TRDN: variants seen among roughly 807,000 people sequenced by gnomAD.
The protein encoded by TRDN is triadin.
TRDN carries 161 observed loss-of-function variants against 149.7 expected under a neutral mutation model. That is an observed-to-expected ratio of 1.08 (90% CI 0.95 to 1.23). The LOEUF (loss-of-function observed/expected upper bound fraction) is 1.23, where lower values mean the gene tolerates loss of function less well. Among genes scored for constraint, TRDN ranks in the 50% most tolerant of loss-of-function variants. The pLI is 0.00. For synonymous variants in TRDN, 294 were observed against 250.5 expected, an observed-to-expected ratio of 1.17 and a Z score of -1.64; for missense variants, 896 against 823.5, an observed-to-expected ratio of 1.09 and a Z score of -1.08.
At chr6:123,309,725 G>A (rs1778743061) in intron 24 of TRDN, among the ~76,000 whole-genome samples, 1 of 150,914 alleles carries the variant, frequency 6.6e-6, no homozygotes, top group Admixed American at 6.6e-5. Context: ...GCAACAATTT[G>A]AAAAAACACA....
intron 10 of TRDN, among the ~76,000 whole-genome samples, chr6:123,446,814 C>T (rs1462683260): frequency 1.3e-5 from 2 of 152,022 alleles, no homozygotes; most frequent in African/African-American, 4.8e-5. Context: ...AAAACTTTGG[C>T]TGTTGCTAGG....
At chr6:123,396,727 G>C (rs1772747937) in intron 12 of TRDN, among the ~76,000 whole-genome samples, 2 of 152,134 alleles carry the variant, frequency 1.3e-5, no homozygotes, top group Admixed American at 6.5e-5. Context: ...GGAACAACCT[G>C]ATTTACAAAA....
At chr6:123,468,773 G>A (rs1247466820) in intron 9 of TRDN, 2 of 152,082 alleles carry the variant, frequency 1.3e-5, no homozygotes, top group Non-Finnish European at 2.9e-5. Flanking sequence ...AAATGTTAAG[G>A]CTGTTTTTTT....
chr6:123,439,044 G>A (rs1201721996), intron 10 of TRDN, 41 bp from the exon 11 acceptor site: 1 of 1,476,920 alleles, frequency 6.8e-7, no homozygotes, highest in Non-Finnish European at 9.1e-7. Context: ...GGGAAATTTA[G>A]TATGAAAGCA....
intron 10 of TRDN, among the ~76,000 whole-genome samples, chr6:123,456,617 T>G (rs13210103): frequency 6.6e-6 from 1 of 151,860 alleles, no homozygotes; most frequent in Admixed American, 6.6e-5. Context: ...TACAGGCATA[T>G]GCCTCCATGC....
intron 29 of TRDN, among the ~76,000 whole-genome samples, chr6:123,272,687 G>C (rs1052662468): frequency 6.6e-6 from 1 of 151,786 alleles, no homozygotes; most frequent in Non-Finnish European, 1.5e-5. Context: ...AGAAAGTATA[G>C]AGCCCATTCA....
intron 10 of TRDN, among the ~76,000 whole-genome samples, chr6:123,450,464 A>G (rs935064594): frequency 6.6e-6 from 1 of 152,160 alleles, no homozygotes; most frequent in African/African-American, 2.4e-5. Flanking sequence ...AAAACAGACA[A>G]GAAAAACCTT....
At chr6:123,565,051 A>T (rs2114514439) in intron 2 of TRDN, among the ~76,000 whole-genome samples, 1 of 152,336 alleles carries the variant, frequency 6.6e-6, no homozygotes, top group Non-Finnish European at 1.5e-5. Flanking sequence ...TCATTTCTTT[A>T]TAAATCCTAT....
intron 9 of TRDN, among the ~76,000 whole-genome samples, chr6:123,480,560 T>C (rs1777705442): frequency 6.6e-6 from 1 of 152,008 alleles, no homozygotes; most frequent in Non-Finnish European, 1.5e-5. Context: ...ATAGTTTAGG[T>C]TTTATATTCA....
At chr6:123,266,134 A>ATATC (rs1371488009) in intron 32 of TRDN, among the ~76,000 whole-genome samples, 1 of 113,758 alleles carries the variant, frequency 8.8e-6, no homozygotes, top group Non-Finnish European at 1.7e-5. Context: ...TATATATTAT[A>ATATC]ATATGTATTA....
intron 9 of TRDN, among the ~76,000 whole-genome samples, chr6:123,494,552 TA>T (rs1778352479): frequency 1.3e-5 from 2 of 152,194 alleles, no homozygotes; most frequent in Non-Finnish European, 2.9e-5. Context: ...TTAAAACTAA[TA>T]GAATATGAAG....
intron 1 of TRDN, among the ~76,000 whole-genome samples, chr6:123,636,228 A>G (rs1187075368): frequency 6.6e-6 from 1 of 151,946 alleles, no homozygotes; most frequent in Non-Finnish European, 1.5e-5. Flanking sequence ...TATATAAATC[A>G]TATATATGTA....
At chr6:123,440,332 T>C (rs1267915000) in intron 10 of TRDN, among the ~76,000 whole-genome samples, 2 of 152,194 alleles carry the variant, frequency 1.3e-5, no homozygotes, top group Non-Finnish European at 2.9e-5. Context: ...CAAATTTTGA[T>C]AGTTTCAGAG....
intron 1 of TRDN, among the ~76,000 whole-genome samples, chr6:123,611,808 C>G (rs554863956): frequency 2.6e-5 from 4 of 152,262 alleles, no homozygotes; most frequent in Admixed American, 1.3e-4. Flanking sequence ...GGCATTCCAT[C>G]TAATTAGTTT....
At chr6:123,622,356 C>G (rs1287591235) in intron 1 of TRDN, among the ~76,000 whole-genome samples, 1 of 151,460 alleles carries the variant, frequency 6.6e-6, no homozygotes, top group Non-Finnish European at 1.5e-5. Context: ...CAGGCACACG[C>G]ACACACATAT....
At chr6:123,412,935 G>C (rs1773502861) in intron 12 of TRDN, among the ~76,000 whole-genome samples, 1 of 152,020 alleles carries the variant, frequency 6.6e-6, no homozygotes, top group African/African-American at 2.4e-5. Context: ...CAGCAGATTG[G>C]AATCCCCAAA....
At chr6:123,236,384 T>A (rs1004245186) in intron 38 of TRDN, among the ~76,000 whole-genome samples, 1 of 152,230 alleles carries the variant, frequency 6.6e-6, no homozygotes, top group African/African-American at 2.4e-5. Context: ...TTTCACCCAA[T>A]TTGTAAAAAA....
chr6:123,390,802 G>A (rs1782081404), intron 13 of TRDN, among the ~76,000 whole-genome samples: 1 of 152,026 alleles, frequency 6.6e-6, no homozygotes, highest in Non-Finnish European at 1.5e-5. Context: ...CAATAACTGG[G>A]TTTTTGGTTT....
At chr6:123,627,087 C>A (rs1365138576) in intron 1 of TRDN, among the ~76,000 whole-genome samples, 1 of 151,900 alleles carries the variant, frequency 6.6e-6, no homozygotes, top group Non-Finnish European at 1.5e-5. Context: ...TGCCACCACG[C>A]CCAGCTGATT....
Sources: gnomAD v4.1 joint callset for allele counts (sites outside exome capture counted in the v4.1 genomes callset) on GRCh38, gnomAD v4.1.1 for gene constraint, MANE v1.5 for transcripts, NCBI Gene and HGNC (gene_info 2026-07-23, HGNC 2026-07-21) for gene names.